KSR2: variants seen among roughly 807,000 people sequenced by gnomAD.
The protein encoded by KSR2 is kinase suppressor of ras 2.
KSR2 carries 25 observed loss-of-function variants against 107.8 expected under a neutral mutation model. The ratio of observed to expected loss-of-function variants is 0.23; its 90% confidence interval spans 0.17 to 0.32. The LOEUF is 0.32. Ranked by LOEUF, KSR2 falls within the 10% of genes least tolerant of loss-of-function variation. The pLI is 1.00. For missense variants in KSR2, 887 were observed against 1,268.9 expected (o/e 0.70, Z 4.57); for synonymous variants, 480 against 507.0 (o/e 0.95, Z 0.71).
chr12:117,916,487 A>G (rs180752590), intron 1 of KSR2, among the ~76,000 whole-genome samples: 48 of 152,324 alleles, frequency 3.2e-4, no homozygotes, highest in African/African-American at 1.0e-3. Flanking sequence ...AACACAGTAT[A>G]TGCACTTGCT....
At chr12:117,760,898 T>C (rs1888977373) in intron 4 of KSR2, 113 bp downstream of exon 4, 1 of 1,336,648 alleles carries the variant, frequency 7.5e-7, no homozygotes, top group Non-Finnish European at 1.0e-6. Flanking sequence ...AACCAGAGTC[T>C]GGAACGCAAG....
At position 117,469,712 on chromosome 12, in the gene KSR2, T is replaced by C. The variant is rs767039752; in HGVS notation, c.2796A>G (p.Pro932=). 6.2e-7 allele frequency: 1 copy of C among 1,613,782 alleles called. No homozygotes were observed. The highest frequency in any genetic ancestry group is 1.1e-5 in the South Asian group (1 of 90,950). Reference sequence around the variant, plus strand: ...GGTGAGACAGGCGACGGTTTCGCTTTGGCAGTTTCTCCAGCATGTCCATGA... The same window carrying C: ...GGTGAGACAGGCGACGGTTTCGCTTCGGCAGTTTCTCCAGCATGTCCATGA... ...TKLMDMLEKL[P]KRNRRLSHPG... Residue 932 remains proline (P), a synonymous_variant, in exon 19 of 20, where the codon CCA becomes CCG. Coordinates refer to ENST00000339824, the MANE Select transcript of KSR2 (RefSeq NM_173598.6).
intron 7 of KSR2, among the ~76,000 whole-genome samples, chr12:117,575,032 C>T (rs959506400): frequency 6.6e-6 from 1 of 152,104 alleles, no homozygotes; most frequent in Non-Finnish European, 1.5e-5. Flanking sequence ...TGAGACCATC[C>T]CTCACCACTT....
intron 3 of KSR2, among the ~76,000 whole-genome samples, chr12:117,795,073 T>G (rs920775388): frequency 2.6e-5 from 4 of 152,206 alleles, no homozygotes; most frequent in Non-Finnish European, 1.5e-5. Context: ...GTCATGCTTC[T>G]TTCCTTTAGC....
chr12:117,804,848 C>T (rs1890958730), intron 3 of KSR2, among the ~76,000 whole-genome samples: 1 of 152,170 alleles, frequency 6.6e-6, no homozygotes, highest in South Asian at 2.1e-4. Context: ...CAGAACAATT[C>T]TAGAGATGTC....
At chr12:117,678,758 G>A (rs1409657281) in intron 4 of KSR2, among the ~76,000 whole-genome samples, 2 of 152,176 alleles carry the variant, frequency 1.3e-5, no homozygotes, top group African/African-American at 4.8e-5. Context: ...GAGGACAATG[G>A]ACAACATGAT....
rs931518202 is a variant in KSR2, at chr12:117,860,276, G to A, written c.321+15C>T. 1.2e-6 allele frequency: 2 copies of A among 1,603,654 alleles called. No homozygotes were observed. The highest frequency in any genetic ancestry group is 8.5e-7 in the Non-Finnish European group (1 of 1,172,130). ...GCCAGTAAGGGGCAGGGGACACAGG[G>A]GCCCCCCAGGTCACCTCCAGGACCT... On this transcript the variant is annotated intron_variant, in intron 2 of 19. Transcript: ENST00000339824.
intron 14 of KSR2, among the ~76,000 whole-genome samples, chr12:117,510,614 T>G (rs1173494561): frequency 6.6e-6 from 1 of 152,202 alleles, no homozygotes; most frequent in Non-Finnish European, 1.5e-5. Flanking sequence ...CAGTGGCTCA[T>G]GCCTGTAATC....
intron 4 of KSR2, among the ~76,000 whole-genome samples, chr12:117,726,859 C>T (rs1438039440): frequency 2.0e-5 from 3 of 152,078 alleles, no homozygotes; most frequent in African/African-American, 7.2e-5. Context: ...AAAACTTGTA[C>T]AAGAATGTTC....
intron 1 of KSR2, among the ~76,000 whole-genome samples, chr12:117,865,529 C>T (rs1405005044): frequency 6.6e-6 from 1 of 152,078 alleles, no homozygotes; most frequent in Non-Finnish European, 1.5e-5. Context: ...AACTTCTTTT[C>T]TTTTCTTTTC....
At chr12:117,606,602 T>TC (rs1555221151) in intron 5 of KSR2, among the ~76,000 whole-genome samples, 4,488 of 10,440 alleles carry the variant, frequency 0.43, 610 homozygotes, top group South Asian at 0.53. Context: ...CCTTCTTTCC[T>TC]CCTTCCTTCC....
Position 117,761,175 on chromosome 12 carries a change from C to T in KSR2, c.822G>A (p.Pro274=), listed in dbSNP as rs1360738845. Residue 274 remains proline (P), a synonymous_variant, in exon 4 of 20, where the codon CCG becomes CCA. Transcript: ENST00000339824. ...TCTTCTTCCTCATGGGCGGCGTGCC[C>T]GGCGGGGTCACGGTGGTGACGATGT... ...TPNIVTTVTP[P]GTPPMRKKNK... is the part of the protein sequence containing the mutation. The T allele has an allele frequency of 1.4e-5, 23 of 1,600,176 alleles. No homozygotes were observed. The highest frequency in any genetic ancestry group is 1.7e-5 in the Non-Finnish European group (20 of 1,172,018).
intron 14 of KSR2, among the ~76,000 whole-genome samples, chr12:117,486,620 G>C (rs1258745862): frequency 6.6e-6 from 1 of 152,196 alleles, no homozygotes; most frequent in East Asian, 1.9e-4. Flanking sequence ...AATACTCCTG[G>C]CATTGTGTTC....
intron 1 of KSR2, among the ~76,000 whole-genome samples, chr12:117,932,458 G>A (rs1414754419): frequency 1.3e-5 from 2 of 152,152 alleles, no homozygotes; most frequent in African/African-American, 4.8e-5. Context: ...GCTCATGCCT[G>A]TAATTTTAGC....
intron 10 of KSR2, among the ~76,000 whole-genome samples, chr12:117,534,399 C>T (rs1465822730): frequency 6.6e-6 from 1 of 152,120 alleles, no homozygotes; most frequent in Non-Finnish European, 1.5e-5. Flanking sequence ...CCCCCACCTG[C>T]AAAACTCAGC....
chr12:117,914,028 C>T (rs756287238), intron 1 of KSR2, among the ~76,000 whole-genome samples: 1 of 152,160 alleles, frequency 6.6e-6, no homozygotes, highest in Non-Finnish European at 1.5e-5. Flanking sequence ...CCCTTACTGG[C>T]CATGTAATAT....
In KSR2 at chr12:117,572,915, G is replaced by A. The variant is rs4767567; in HGVS notation, c.1325+6204C>T. 9.5e-3 allele frequency among the ~76,000 whole-genome samples: 1,443 copies of A among 152,288 alleles called. 67 individuals are homozygous for A. Among genetic ancestry groups the A allele is most frequent in the Admixed American group, 0.082 (1,258 of 15,290 alleles). On this transcript the variant is annotated intron_variant, in intron 7 of 19. Coordinates refer to ENST00000339824, the MANE Select transcript of KSR2 (RefSeq NM_173598.6). ...AGAATGCAGATGACACATGATTGAA[G>A]GCTGGGAAATCCATCAGCATCTTAC...
At chr12:117,869,188 A>G (rs1489672200) in intron 1 of KSR2, among the ~76,000 whole-genome samples, 1 of 152,232 alleles carries the variant, frequency 6.6e-6, no homozygotes, top group East Asian at 1.9e-4. Flanking sequence ...CCTGACCAAC[A>G]TGGTGAAATC....
intron 3 of KSR2, among the ~76,000 whole-genome samples, chr12:117,811,237 G>T (rs79967855): frequency 6.6e-6 from 1 of 152,050 alleles, no homozygotes; most frequent in Non-Finnish European, 1.5e-5. Context: ...CCTCTGCCCC[G>T]TAGAGCCCTT....
Sources: gnomAD v4.1 joint callset for allele counts (sites outside exome capture counted in the v4.1 genomes callset) on GRCh38, gnomAD v4.1.1 for gene constraint, MANE v1.5 for transcripts, NCBI Gene and HGNC (gene_info 2026-07-23, HGNC 2026-07-21) for gene names.